The following HERC1 variants were observed in gnomAD, a reference collection of about 807,000 sequenced individuals.
HERC1 encodes the protein HECT and RLD domain containing E3 ubiquitin protein ligase family member 1, also known as probable E3 ubiquitin-protein ligase HERC1.
Under a neutral mutation model 554.3 loss-of-function variants are expected in HERC1, and 160 were observed. That is an observed-to-expected ratio of 0.29 (90% CI 0.25 to 0.33). HERC1 has a LOEUF of 0.33. Among genes scored for constraint, HERC1 ranks in the 10% least tolerant of loss-of-function variants. HERC1 has a pLI of 1.00. For missense variants in HERC1, 4,919 were observed against 5,918.5 expected, an observed-to-expected ratio of 0.83 and a Z score of 5.54; for synonymous variants, 2,175 against 2,131.7, an observed-to-expected ratio of 1.02 and a Z score of -0.56.
intron 8 of HERC1, among the ~76,000 whole-genome samples, chr15:63,751,042 G>T (rs1037685899): frequency 6.6e-6 from 1 of 152,128 alleles, no homozygotes; most frequent in African/African-American, 2.4e-5. Context: ...TTTAGGAGAT[G>T]TTAGGAACTA....
intron 1 of HERC1, among the ~76,000 whole-genome samples, chr15:63,798,788 AT>A (rs1183211542): frequency 1.3e-5 from 2 of 152,186 alleles, no homozygotes; most frequent in East Asian, 3.8e-4. Context: ...TAGTTTCTAC[AT>A]TTAAATATTT....
chr15:63,718,011 C>T lies in HERC1; in HGVS notation c.3978+563G>A, dbSNP rs1034917515. Among the ~76,000 whole-genome samples, 4 of 151,680 alleles carry T rather than the reference C, an allele frequency of 2.6e-5. No individual in the cohort carries two copies. Among genetic ancestry groups the T allele is most frequent in the Non-Finnish European group, 5.9e-5 (4 of 67,936 alleles). On this transcript the variant is annotated intron_variant, in intron 21 of 77. Transcript: ENST00000443617. This position sits in a 1 kb window ranked among gnomAD's most constrained non-coding sequence, Gnocchi z 4.2. ...ACCCTTTCGTCCTAGTTGTGTCCTCCGGAACAAGGAAAACATTTATTTCCT... is the reference window on the plus strand; with the variant it reads ...ACCCTTTCGTCCTAGTTGTGTCCTCTGGAACAAGGAAAACATTTATTTCCT...
chr15:63,733,834 A>G (rs1012244486), intron 13 of HERC1, among the ~76,000 whole-genome samples: 1 of 152,070 alleles, frequency 6.6e-6, no homozygotes, highest in Non-Finnish European at 1.5e-5. Flanking sequence ...CCTGGATGAC[A>G]GAGCAAAACC....
At chr15:63,660,681 G>T (rs530421498) in intron 46 of HERC1, among the ~76,000 whole-genome samples, 5 of 150,952 alleles carry the variant, frequency 3.3e-5, no homozygotes, top group Admixed American at 3.3e-4. Context: ...CCACAATTAG[G>T]GTGGAAATTC....
chr15:63,612,450 G>T lies in HERC1; in HGVS notation c.14201C>A (p.Ser4734Tyr). ...EQMVCGMPEI[S>Y]VEVLKKVVRY... ...CACCACTTTCTTCAAGACTTCCACA[G>T]AGATCTCGGGCATCCCACACACCAT... The change falls in exon 77 of 78, where the codon TCT (serine) becomes TAT (tyrosine). Residue 4734 changes from serine (S) to tyrosine (Y), a missense_variant. Ser to Tyr is a moderately radical substitution (Grantham distance 144). Around this residue, in one of 11 missense-constraint regions of HERC1, gnomAD observed 284 missense variants for 294.1 expected, o/e 0.97. Coordinates refer to ENST00000443617, the MANE Select transcript of HERC1 (RefSeq NM_003922.4). The surrounding 1 kb of genome is among the most constrained non-coding windows in gnomAD (Gnocchi z 5.0). 1 of 1,614,022 alleles carries T rather than the reference G, an allele frequency of 6.2e-7. No individual in the cohort carries two copies. Among genetic ancestry groups the T allele is most frequent in the African/African-American group, 1.3e-5 (1 of 75,044 alleles).
intron 2 of HERC1, among the ~76,000 whole-genome samples, chr15:63,770,564 A>G (rs1357897004): frequency 6.6e-6 from 1 of 152,272 alleles, no homozygotes; most frequent in African/African-American, 2.4e-5. Context: ...GAAGATGTAC[A>G]CTGAGATTAC....
Position 63,623,807 on chromosome 15 carries a change from C to G in HERC1, c.13529G>C (p.Arg4510Pro). Residue 4510 changes from arginine to proline, a missense_variant, in exon 73 of 78, where the codon CGA becomes CCA. This residue lies in a region of HERC1 where 410 missense variants were observed against 467.0 expected (regional missense o/e 0.88). Transcript: ENST00000443617. ...LNASDLRLPS[R>P]AWKVKLVGEG... ...TCCAACCAGCTTAACCTTCCACGCT[C>G]GGGAAGGCAGGCGGAGGTCTGAAGC... is the stretch of plus-strand genomic sequence containing the variant. The G allele has an allele frequency of 6.2e-7, 1 of 1,613,884 alleles. No homozygotes were observed. Among genetic ancestry groups the G allele is most frequent in the Non-Finnish European group, 8.5e-7 (1 of 1,179,788 alleles).
rs2071396460 is a variant in HERC1 at position 63,679,938 on chromosome 15, CCTT to C, written c.6549+136_6549+138del. On this transcript the variant is annotated intron_variant, in intron 36 of 77. Coordinates refer to ENST00000443617, the MANE Select transcript of HERC1 (RefSeq NM_003922.4). ...TCGTAAAGTCAATTTCTGAAAGTAA[CCTT>C]CTTCTAGAAGAATGGATTACCTAAG... 4.1e-5 allele frequency: 21 copies of C among 516,530 alleles called. No homozygotes were observed. In the South Asian group the frequency reaches 6.7e-4, roughly 16 times the overall value. 32.0% of individuals were successfully genotyped at this position (516,530 alleles called of 1,614,324 possible).
chr15:63,635,873 T>C, intron 65 of HERC1, 88 bp downstream of exon 65: 1 of 1,304,792 alleles, frequency 7.7e-7, no homozygotes, highest in Non-Finnish European at 1.1e-6. Flanking sequence ...ATATTTTTAC[T>C]ATATTTTCTG....
Position 63,694,939 on chromosome 15 carries a change from T to A in HERC1, c.5122-45A>T. On this transcript the variant is annotated intron_variant, in intron 27 of 77. Transcript: ENST00000443617. This position sits in a 1 kb window ranked among gnomAD's most constrained non-coding sequence, Gnocchi z 4.3. ...TTACTTTTTCTATTAGCAACAATAA[T>A]ACCTGCTTGCAAAAAGAAGTAATAA... 1 of 1,557,146 alleles carries A rather than the reference T, an allele frequency of 6.4e-7. No homozygotes were observed. Among genetic ancestry groups the A allele is most frequent in the African/African-American group, 1.4e-5 (1 of 73,292 alleles).
chr15:63,718,366 T>C lies in HERC1; in HGVS notation c.3978+208A>G. The C allele has an allele frequency of 1.3e-5, 6 of 454,470 alleles. No individual in the cohort carries two copies. The highest frequency in any genetic ancestry group is 1.9e-5 in the Non-Finnish European group (5 of 259,234). The allele number at this position is 454,470 out of a possible 1,614,324, so 28.2% of individuals were successfully genotyped here. ...AATATTTATGCAGCCAACTAAAGTT[T>C]CTTAGAACCAATATCACACTTGGTA... On this transcript the variant is annotated intron_variant, in intron 21 of 77. Transcript: ENST00000443617. The surrounding 1 kb of genome is among the most constrained non-coding windows in gnomAD (Gnocchi z 4.2).
chr15:63,685,574 T>C (rs565117190), intron 34 of HERC1, among the ~76,000 whole-genome samples: 10 of 152,256 alleles, frequency 6.6e-5, no homozygotes, highest in Non-Finnish European at 1.0e-4. Context: ...CTTTTTAAGA[T>C]AGACCTGTTG....
At chr15:63,772,527 ATTAT>A (rs1184419548) in intron 2 of HERC1, among the ~76,000 whole-genome samples, 3 of 151,006 alleles carry the variant, frequency 2.0e-5, no homozygotes, top group African/African-American at 7.3e-5. Context: ...TATTAAATAT[ATTAT>A]TTTAGGTCAA....
chr15:63,746,781 C>A, intron 12 of HERC1, 137 bp downstream of exon 12: 1 of 750,242 alleles, frequency 1.3e-6, no homozygotes, highest in Non-Finnish European at 2.1e-6. Context: ...ACCAAAAATA[C>A]TCTCACCAAG....
In HERC1 at chr15:63,798,622, C is replaced by T. The variant is rs191134212; in HGVS notation, c.-26-22973G>A. On this transcript the variant is annotated intron_variant, in intron 1 of 77. Transcript: ENST00000443617. The stretch of plus-strand genomic sequence containing the variant: ...GCTTTCTAATTCTCTAACAGGATAC[C>T]TCTCACTTTGACCTACAATTATTTA... Among the ~76,000 whole-genome samples, 108 of 151,874 alleles carry T rather than the reference C, an allele frequency of 7.1e-4. 1 individual carries two copies. The highest frequency in any genetic ancestry group is 2.5e-3 in the African/African-American group (103 of 41,414).
Position 63,734,296 on chromosome 15 carries a change from T to C in HERC1, c.2646+428A>G, listed in dbSNP as rs982311060. ...ACTTGGTTGAGCAAAATGTACTATT[T>C]TAAGGTATATAAGATAAAAATGGAA... On this transcript the variant is annotated intron_variant, in intron 13 of 77. Transcript: ENST00000443617. This position sits in a 1 kb window ranked among gnomAD's most constrained non-coding sequence, Gnocchi z 4.6. Among the ~76,000 whole-genome samples, 4 of 152,224 alleles carry C rather than the reference T, an allele frequency of 2.6e-5. No individual in the cohort carries two copies. Among genetic ancestry groups the C allele is most frequent in the African/African-American group, 9.6e-5 (4 of 41,466 alleles).
intron 1 of HERC1, among the ~76,000 whole-genome samples, chr15:63,826,378 T>C (rs1028336248): frequency 6.6e-6 from 1 of 152,208 alleles, no homozygotes; most frequent in African/African-American, 2.4e-5. Flanking sequence ...CTGCCATTAC[T>C]GGTCCAAATA....
Position 63,727,629 on chromosome 15 carries a change from T to A in HERC1, c.3346+18A>T. On this transcript the variant is annotated intron_variant, in intron 17 of 77. Coordinates refer to ENST00000443617, the MANE Select transcript of HERC1 (RefSeq NM_003922.4). The surrounding 1 kb of genome is among the most constrained non-coding windows in gnomAD (Gnocchi z 4.3). ...TTTTCTCAAAGGCATTATTTGCTCT[T>A]TTATTGTCTTTACTTACCATGAAGA... 1 of 1,585,176 alleles carries A rather than the reference T, an allele frequency of 6.3e-7. No individual in the cohort carries two copies. The highest frequency in any genetic ancestry group is 8.6e-7 in the Non-Finnish European group (1 of 1,163,030).
Position 63,694,374 on chromosome 15 carries a change from C to G in HERC1, c.5418G>C (p.Gln1806His). The stretch of plus-strand genomic sequence containing the variant: ...TGGCCACTTTCAAAGCTGTGCTAAG[C>G]TGGGAAACACCCGTCTTTGGCAACA... ...LQLLPKTGVSQLSTALKVAST... is the reference protein window; with the variant it reads ...LQLLPKTGVSHLSTALKVAST... Residue 1806 changes from glutamine (Q) to histidine (H), a missense_variant, in exon 29 of 78, where the codon CAG (glutamine) becomes CAC (histidine). Physicochemically the swap from Gln to His is conservative, Grantham distance 24 (BLOSUM62 0). This residue lies in a region of HERC1 where 1,121 missense variants were observed against 1,244.0 expected (regional missense o/e 0.90). Transcript: ENST00000443617. The surrounding 1 kb of genome is among the most constrained non-coding windows in gnomAD (Gnocchi z 4.3). 2 of 1,613,954 alleles carry G rather than the reference C, an allele frequency of 1.2e-6. No homozygotes were observed. Among genetic ancestry groups the G allele is most frequent in the Non-Finnish European group, 8.5e-7 (1 of 1,179,864 alleles).
Sources: allele counts gnomAD v4.1 joint callset (sites outside exome capture counted in the v4.1 genomes callset), GRCh38; gene constraint gnomAD v4.1.1; regional missense constraint gnomAD v4.1.1; non-coding constraint Gnocchi (gnomAD v3.1); transcripts MANE v1.5; gene names NCBI Gene and HGNC (gene_info 2026-07-23, HGNC 2026-07-21).